Variants in STX18 observed in about 807,000 individuals in gnomAD.
The protein encoded by STX18 is syntaxin 18.
Under a neutral mutation model 50.1 loss-of-function variants are expected in STX18, and 40 were observed. The observed-to-expected ratio is 0.80, with a 90% confidence interval of 0.62 to 1.04. The LOEUF is 1.04. Among genes scored for constraint, STX18 ranks in the 50% least tolerant of loss-of-function variants. The pLI is 0.00. For synonymous variants in STX18, 158 were observed against 151.8 expected, an observed-to-expected ratio of 1.04 and a Z score of -0.30; for missense variants, 410 against 415.8, an observed-to-expected ratio of 0.99 and a Z score of 0.12.
At chr4:4,447,361 G>C (rs557593857) in intron 5 of STX18, among the ~76,000 whole-genome samples, 3 of 151,740 alleles carry the variant, frequency 2.0e-5, no homozygotes, top group Admixed American at 2.0e-4. Context: ...AGGCCGAGGC[G>C]GGCGGATCAC....
At chr4:4,492,397 T>C (rs2108865920) in intron 1 of STX18, among the ~76,000 whole-genome samples, 1 of 152,242 alleles carries the variant, frequency 6.6e-6, no homozygotes, top group South Asian at 2.1e-4. Context: ...TTGGAAAGGA[T>C]TCGCTCAGGG....
At chr4:4,500,403 AC>A (rs1259417574) in intron 1 of STX18, among the ~76,000 whole-genome samples, 1 of 152,160 alleles carries the variant, frequency 6.6e-6, no homozygotes, top group African/African-American at 2.4e-5. Flanking sequence ...CTATTCTCTA[AC>A]CAAAACAGTA....
chr4:4,494,738 A>G (rs1439206164), intron 1 of STX18, among the ~76,000 whole-genome samples: 3 of 152,222 alleles, frequency 2.0e-5, no homozygotes, highest in African/African-American at 7.2e-5. Flanking sequence ...ACAGGTGGGA[A>G]GCATCTCCCT....
At position 4,469,720 on chromosome 4, in the gene STX18, A is replaced by G. The variant is rs1037451168; in HGVS notation, c.236+1919T>C. On this transcript the variant is annotated intron_variant, in intron 2 of 10. Transcript: ENST00000306200. ...CCACTTCTCAGGTACTGCTGCATTC[A>G]TGATTCCCAGCTATTTTTGGTCGTC... Among the ~76,000 whole-genome samples the G allele has an allele frequency of 3.3e-5, 5 of 151,836 alleles. No homozygotes were observed. In the East Asian group the frequency reaches 5.9e-4, roughly 18 times the overall value.
intron 2 of STX18, among the ~76,000 whole-genome samples, chr4:4,468,767 C>A (rs1366015921): frequency 2.6e-5 from 4 of 152,066 alleles, no homozygotes; most frequent in African/African-American, 9.7e-5. Context: ...ACTAATTTCA[C>A]CCCTAGGTAT....
intron 1 of STX18, among the ~76,000 whole-genome samples, chr4:4,476,769 CAG>C (rs1267402405): frequency 6.6e-6 from 1 of 152,066 alleles, no homozygotes; most frequent in Non-Finnish European, 1.5e-5. Flanking sequence ...CACAATAAGA[CAG>C]GGGGAGGTAA....
chr4:4,441,133 G>A (rs570286480), intron 5 of STX18, among the ~76,000 whole-genome samples: 2 of 152,306 alleles, frequency 1.3e-5, no homozygotes, highest in South Asian at 2.1e-4. Context: ...AGACTTTGGT[G>A]GAAGCTTCAG....
intron 2 of STX18, among the ~76,000 whole-genome samples, chr4:4,461,475 C>G (rs1041007878): frequency 6.6e-6 from 1 of 152,134 alleles, no homozygotes; most frequent in African/African-American, 2.4e-5. Flanking sequence ...AGTCTGAGCT[C>G]TACATTCTGG....
intron 1 of STX18, among the ~76,000 whole-genome samples, chr4:4,478,237 CA>C (rs1261462453): frequency 1.8e-5 from 2 of 112,446 alleles, no homozygotes; most frequent in African/African-American, 5.9e-5. Flanking sequence ...AAAAAAAAAA[CA>C]AAAACGTTTT....
intron 1 of STX18, among the ~76,000 whole-genome samples, chr4:4,509,564 G>C (rs1729900906): frequency 6.6e-6 from 1 of 152,048 alleles, no homozygotes; most frequent in Non-Finnish European, 1.5e-5. Flanking sequence ...TAATTTAAAT[G>C]ATCATGGGTT....
chr4:4,432,054 G>A (rs1436874407), intron 7 of STX18, among the ~76,000 whole-genome samples: 1 of 152,234 alleles, frequency 6.6e-6, no homozygotes, highest in Non-Finnish European at 1.5e-5. Context: ...GGACCTTGCA[G>A]GGCACTTTAA....
intron 1 of STX18, among the ~76,000 whole-genome samples, chr4:4,506,688 T>C (rs1729722986): frequency 6.6e-6 from 1 of 152,216 alleles, no homozygotes; most frequent in Non-Finnish European, 1.5e-5. Context: ...ATAGATACTA[T>C]GTTTTTTCTA....
chr4:4,427,376 T>G (rs1452674273), intron 7 of STX18, among the ~76,000 whole-genome samples: 2 of 152,232 alleles, frequency 1.3e-5, no homozygotes, highest in Non-Finnish European at 2.9e-5. Context: ...AAAGGCTATT[T>G]AAGAGAGTAA....
chr4:4,535,072 A>G (rs954483104), intron 1 of STX18, among the ~76,000 whole-genome samples: 2 of 152,180 alleles, frequency 1.3e-5, no homozygotes, highest in East Asian at 3.9e-4. Flanking sequence ...GCCTTTGCTC[A>G]CACCCATCCC....
chr4:4,520,162 CT>C (rs1730446870), intron 1 of STX18, among the ~76,000 whole-genome samples: 1 of 152,170 alleles, frequency 6.6e-6, no homozygotes, highest in Non-Finnish European at 1.5e-5. Flanking sequence ...CATTTTATTG[CT>C]TTTCAGACTC....
chr4:4,475,372 T>C (rs995918047), intron 1 of STX18, among the ~76,000 whole-genome samples: 1 of 152,022 alleles, frequency 6.6e-6, no homozygotes, highest in Non-Finnish European at 1.5e-5. Flanking sequence ...ACACAATGTA[T>C]GATATTTTAA....
At chr4:4,537,742 ACTCT>A (rs1445880119) in intron 1 of STX18, among the ~76,000 whole-genome samples, 2 of 151,894 alleles carry the variant, frequency 1.3e-5, no homozygotes, top group African/African-American at 4.8e-5. Context: ...GCTATTACTC[ACTCT>A]ATTTTAGCCA....
chr4:4,515,963 GC>G (rs1245376531), intron 1 of STX18, among the ~76,000 whole-genome samples: 1 of 152,106 alleles, frequency 6.6e-6, no homozygotes, highest in Non-Finnish European at 1.5e-5. Context: ...ATGAGAAAAG[GC>G]AGTACCTCAA....
chr4:4,481,100 G>A (rs1266267364), intron 1 of STX18, among the ~76,000 whole-genome samples: 3 of 152,124 alleles, frequency 2.0e-5, no homozygotes, highest in Non-Finnish European at 4.4e-5. Context: ...CTGTTCCTTC[G>A]TGGGTGTTTT....
Sources: gnomAD v4.1 joint callset for allele counts (sites outside exome capture counted in the v4.1 genomes callset) on GRCh38, gnomAD v4.1.1 for gene constraint, MANE v1.5 for transcripts, NCBI Gene and HGNC (gene_info 2026-07-23, HGNC 2026-07-21) for gene names.